Variants in UBE2W observed in about 807,000 individuals in gnomAD.
UBE2W encodes ubiquitin conjugating enzyme E2 W, also known as ubiquitin-conjugating enzyme E2 W.
UBE2W carries 18 observed loss-of-function variants against 27.2 expected under a neutral mutation model. That is an observed-to-expected ratio of 0.66 (90% CI 0.46 to 0.98). The LOEUF is 0.98. UBE2W is among the 50% of genes least tolerant of loss of function. The pLI is 0.00. For synonymous variants in UBE2W, 53 were observed against 57.2 expected (o/e 0.93, Z 0.33); for missense variants, 90 against 180.2 (o/e 0.50, Z 2.87).
At chr8:73,866,731 C>T (rs1811789755) in intron 1 of UBE2W, among the ~76,000 whole-genome samples, 1 of 151,994 alleles carries the variant, frequency 6.6e-6, no homozygotes, top group African/African-American at 2.4e-5. Context: ...ATGACACTAT[C>T]GGAAAATGAA....
intron 1 of UBE2W, among the ~76,000 whole-genome samples, chr8:73,845,983 T>C (rs568810454): frequency 1.3e-5 from 2 of 152,164 alleles, no homozygotes; most frequent in African/African-American, 4.8e-5. Flanking sequence ...CTGAATTCCT[T>C]CTGGAAAATG....
chr8:73,858,191 T>C (rs1483823534), intron 1 of UBE2W, among the ~76,000 whole-genome samples: 3 of 152,016 alleles, frequency 2.0e-5, no homozygotes, highest in African/African-American at 7.2e-5. Context: ...TGAAACCCAG[T>C]CTCCAATAAA....
chr8:73,801,302 T>C (rs1217770937), intron 5 of UBE2W, among the ~76,000 whole-genome samples: 1 of 152,146 alleles, frequency 6.6e-6, no homozygotes, highest in Admixed American at 6.5e-5. Context: ...CCGATTATCT[T>C]TTTGAACTTT....
At chr8:73,822,206 C>T (rs757853881) in intron 3 of UBE2W, among the ~76,000 whole-genome samples, 1 of 152,094 alleles carries the variant, frequency 6.6e-6, no homozygotes, top group Non-Finnish European at 1.5e-5. Context: ...CCCAATTCAG[C>T]GGGAAGCAGT....
In UBE2W at chr8:73,789,003, ACT is replaced by A; in HGVS notation, c.*5097_*5098del. 4.1e-6 allele frequency: 4 copies of A among 982,514 alleles called. No homozygotes were observed. Among genetic ancestry groups the A allele is most frequent in the Non-Finnish European group, 4.8e-6 (4 of 827,914 alleles). 60.9% of individuals were successfully genotyped at this position (982,514 alleles called of 1,614,324 possible). A position where few individuals can be genotyped will look rare whatever the true frequency, so the allele number is the denominator to read the frequency against. ...AAATAGTCATTTAATCATTCTAGAG[ACT>A]CATCACAAAATACAAGTCACAATAT... On this transcript the variant is annotated 3_prime_UTR_variant, in exon 6 of 6. Transcript: ENST00000602593.
intron 2 of UBE2W, among the ~76,000 whole-genome samples, chr8:73,826,467 T>C (rs551294824): frequency 8.5e-5 from 13 of 152,200 alleles, no homozygotes; most frequent in South Asian, 2.1e-4. Context: ...AAAAGGAAGA[T>C]AGAAAATACA....
downstream of UBE2W, among the ~76,000 whole-genome samples, chr8:73,781,628 T>A (rs547481792): frequency 0.027 from 4,105 of 151,230 alleles, 164 homozygotes; most frequent in African/African-American, 0.086. Flanking sequence ...GGTTTTTTTT[T>A]TTTTTTTTTA....
At chr8:73,878,365 C>T (rs1408197620) in intron 1 of UBE2W, among the ~76,000 whole-genome samples, 4 of 152,214 alleles carry the variant, frequency 2.6e-5, no homozygotes, top group Non-Finnish European at 5.9e-5. Context: ...GACGCATTCT[C>T]GGCTCCCGCA....
intron 1 of UBE2W, among the ~76,000 whole-genome samples, chr8:73,856,660 T>C (rs1811315915): frequency 6.6e-6 from 1 of 151,912 alleles, no homozygotes; most frequent in South Asian, 2.1e-4. Flanking sequence ...TGGCCACACT[T>C]ATGCATTTCT....
chr8:73,842,172 A>G (rs1810558608), intron 1 of UBE2W, among the ~76,000 whole-genome samples: 1 of 152,274 alleles, frequency 6.6e-6, no homozygotes. Flanking sequence ...CTAGAAATAT[A>G]TATCCATCAA....
intron 1 of UBE2W, among the ~76,000 whole-genome samples, chr8:73,840,926 T>C (rs1563609457): frequency 6.6e-6 from 1 of 152,182 alleles, no homozygotes; most frequent in Admixed American, 6.5e-5. Context: ...TGTAAAGTTT[T>C]ATCTCAACTT....
intron 5 of UBE2W, among the ~76,000 whole-genome samples, chr8:73,803,202 C>T (rs1312025689): frequency 2.0e-5 from 3 of 151,906 alleles, no homozygotes; most frequent in African/African-American, 4.8e-5. Context: ...GGCAACAGAG[C>T]GAGACTTCAT....
At position 73,788,548 on chromosome 8, in the gene UBE2W, T is replaced by C. The variant is rs796931045; in HGVS notation, c.*5554A>G. On this transcript the variant is annotated 3_prime_UTR_variant, in exon 6 of 6. Coordinates refer to ENST00000602593, the MANE Select transcript of UBE2W (RefSeq NM_018299.6). ...CAATCTGTGGTTAACTATGAAAAGA[T>C]GCATTTTCATGGTATCTGACACAAT... 2.0e-5 allele frequency: 20 copies of C among 985,398 alleles called. No homozygotes were observed. In the African/African-American group the frequency reaches 2.8e-4, roughly 14 times the overall value. The allele number at this position is 985,398 out of a possible 1,614,324, so 61.0% of individuals were successfully genotyped here. A position where few individuals can be genotyped will look rare whatever the true frequency, so the allele number is the denominator to read the frequency against.
In UBE2W at chr8:73,791,464, A is replaced by G; in HGVS notation, c.*2638T>C. 1.0e-6 allele frequency: 1 copy of G among 985,292 alleles called. No individual in the cohort carries two copies. The highest frequency in any genetic ancestry group is 1.2e-6 in the Non-Finnish European group (1 of 829,832). 61.0% of individuals were successfully genotyped at this position (985,292 alleles called of 1,614,324 possible). On this transcript the variant is annotated 3_prime_UTR_variant, in exon 6 of 6. Transcript: ENST00000602593. ...AATTCTGTAGGCCTATGTCGCAAAT[A>G]GTGCCCCACGAGGAAATGCAGGGAG...
intron 5 of UBE2W, among the ~76,000 whole-genome samples, chr8:73,803,346 T>C (rs1442450611): frequency 6.6e-6 from 1 of 152,220 alleles, no homozygotes. Context: ...TCCTTCCCCT[T>C]ATCACTGATT....
Position 73,819,956 on chromosome 8 carries a change from T to C in UBE2W, c.210+5191A>G, listed in dbSNP as rs568998889. On this transcript the variant is annotated intron_variant, in intron 3 of 5. Coordinates refer to ENST00000602593, the MANE Select transcript of UBE2W (RefSeq NM_018299.6). ...CTAGTGATAAACTCAGTACTGTTCA[T>C]TGCATAGAAAGATGAAAGACTTTTC... Among the ~76,000 whole-genome samples the C allele has an allele frequency of 5.9e-5, 9 of 152,348 alleles. No individual in the cohort carries two copies. In the East Asian group the frequency reaches 1.7e-3, roughly 29 times the overall value.
At chr8:73,865,239 CAAAT>C (rs1811705651) in intron 1 of UBE2W, among the ~76,000 whole-genome samples, 1 of 91,662 alleles carries the variant, frequency 1.1e-5, no homozygotes, top group Non-Finnish European at 2.2e-5. Context: ...GGGTTACAAA[CAAAT>C]GTTACGAAGA....
intron 5 of UBE2W, among the ~76,000 whole-genome samples, chr8:73,798,694 G>A (rs934249098): frequency 1.3e-5 from 2 of 152,040 alleles, no homozygotes; most frequent in African/African-American, 4.8e-5. Flanking sequence ...TTATTTTTAT[G>A]GTCTCACAAA....
rs148205039 is a variant in UBE2W at position 73,854,270 on chromosome 8, A to AAAAT, written c.16-23802_16-23799dup. On this transcript the variant is annotated intron_variant, in intron 1 of 5. Transcript: ENST00000602593. ...AGGCAATACAAATGCCTAGGAGTAA[A>AAAAT]AAATAAATAAATAAATAAATAAAGT... Among the ~76,000 whole-genome samples the AAAAT allele has an allele frequency of 6.6e-4, 100 of 152,266 alleles. 1 individual carries two copies. Among genetic ancestry groups the AAAAT allele is most frequent in the South Asian group, 6.0e-3 (29 of 4,830 alleles).
Sources: gnomAD v4.1 joint callset for allele counts (sites outside exome capture counted in the v4.1 genomes callset) on GRCh38, gnomAD v4.1.1 for gene constraint, MANE v1.5 for transcripts, NCBI Gene and HGNC (gene_info 2026-07-23, HGNC 2026-07-21) for gene names.